HERC2: variants seen among roughly 807,000 people sequenced by gnomAD.
HERC2 encodes the protein HECT and RLD domain containing E3 ubiquitin protein ligase 2.
HERC2 carries 102 observed loss-of-function variants against 537.7 expected under a neutral mutation model. The ratio of observed to expected loss-of-function variants is 0.19; its 90% confidence interval spans 0.16 to 0.22. HERC2 has a LOEUF of 0.22. HERC2 is among the 10% of genes least tolerant of loss of function. The pLI, the probability that HERC2 is intolerant of heterozygous loss-of-function variation, is 1.00. For missense variants in HERC2, 4,236 were observed against 6,198.2 expected (o/e 0.68, Z 10.63); for synonymous variants, 2,224 against 2,466.2 (o/e 0.90, Z 2.91).
chr15:28,128,886 C>T (rs979104194), intron 83 of HERC2, among the ~76,000 whole-genome samples: 1 of 152,178 alleles, frequency 6.6e-6, no homozygotes, highest in Non-Finnish European at 1.5e-5. Flanking sequence ...CCAGGGGCCA[C>T]CCCATTCCCC....
intron 84 of HERC2, 88 bp downstream of exon 84, chr15:28,124,918 G>A: frequency 2.4e-6 from 3 of 1,262,122 alleles, no homozygotes; most frequent in Non-Finnish European, 3.3e-6. Flanking sequence ...TCACCAAGAA[G>A]CCTCTGTAAA....
intron 3 of HERC2, among the ~76,000 whole-genome samples, chr15:28,299,115 T>C (rs2076551355): frequency 1.3e-5 from 2 of 152,068 alleles, no homozygotes; most frequent in Admixed American, 6.6e-5. Context: ...TCAATGGCAT[T>C]TCCTTGCAGG....
chr15:28,158,153 C>A (rs1338238636), intron 69 of HERC2, among the ~76,000 whole-genome samples: 2 of 152,116 alleles, frequency 1.3e-5, no homozygotes, highest in African/African-American at 4.8e-5. Flanking sequence ...GCTTTACTTC[C>A]AACTATGTGG....
intron 9 of HERC2, among the ~76,000 whole-genome samples, chr15:28,271,753 C>A (rs1196146714): frequency 6.6e-6 from 1 of 152,144 alleles, no homozygotes; most frequent in African/African-American, 2.4e-5. Flanking sequence ...AAAAGACTGG[C>A]AAAATCCAAC....
At chr15:28,119,154 G>T (rs1380077732) in intron 86 of HERC2, among the ~76,000 whole-genome samples, 2 of 152,074 alleles carry the variant, frequency 1.3e-5, no homozygotes, top group African/African-American at 4.8e-5. Context: ...ACAGCACTTT[G>T]GGAGGCCGAG....
At chr15:28,257,382 GC>G in intron 16 of HERC2, 121 bp from the exon 17 acceptor site, 2 of 778,480 alleles carry the variant, frequency 2.6e-6, no homozygotes, top group Non-Finnish European at 4.2e-6. Flanking sequence ...CCCTCGAACT[GC>G]CCAGTCCAAA....
At chr15:28,292,731 G>A (rs1014542830) in intron 4 of HERC2, among the ~76,000 whole-genome samples, 157 bp downstream of exon 4, 23 of 151,942 alleles carry the variant, frequency 1.5e-4, no homozygotes, top group Admixed American at 9.2e-4. Flanking sequence ...TGGTTAAAAC[G>A]GTAAGTTTTA....
chr15:28,144,281 A>G (rs1790215263), intron 72 of HERC2, 46 bp from the exon 73 acceptor site: 2 of 1,596,538 alleles, frequency 1.3e-6, no homozygotes, highest in Non-Finnish European at 8.5e-7. Flanking sequence ...CAAGCTAGGT[A>G]CCACCCCATA....
In HERC2 at chr15:28,269,254, G is replaced by C. The variant is rs538779282; in HGVS notation, c.1440C>G (p.Asp480Glu). 6.2e-6 allele frequency: 10 copies of C among 1,613,060 alleles called. No homozygotes were observed. The African/African-American group carries it at 1.2e-4, about 19-fold the overall frequency. ...CAGTGCCCAGAACACTCACCAGCGT[G>C]TCACTATTATAGGCCTGTGTGTACA... ...GRVYTQAYNS[D>E]TLAPQLVQGL... is the part of the protein sequence containing the mutation. Residue 480 changes from aspartate (D) to glutamate (E), a missense_variant, in exon 11 of 93, where the codon GAC (aspartate) becomes GAG (glutamate). Asp to Glu is a conservative substitution (Grantham distance 45). This residue lies in a region of HERC2 where 491 missense variants were observed against 559.3 expected (regional missense o/e 0.88). Coordinates refer to ENST00000261609, the MANE Select transcript of HERC2 (RefSeq NM_004667.6).
chr15:28,257,142 C>T lies in HERC2; in HGVS notation c.2436G>A (p.Gly812=). 6.2e-7 allele frequency: 1 copy of T among 1,613,844 alleles called. No homozygotes were observed. The highest frequency in any genetic ancestry group is 8.5e-7 in the Non-Finnish European group (1 of 1,179,756). ...GGGGCCAGTCCGCGGAACCATCCAT[C>T]CCCTCACTCACCTGCCGAAGCAGGA... ...LDLLLRQVSE[G]MDGSADWPPP... Residue 812 remains glycine (G), a synonymous_variant, in exon 17 of 93, where the codon GGG becomes GGA. Coordinates refer to ENST00000261609, the MANE Select transcript of HERC2 (RefSeq NM_004667.6).
At chr15:28,224,119 T>A (rs1900822662) in intron 35 of HERC2, among the ~76,000 whole-genome samples, 2 of 124,140 alleles carry the variant, frequency 1.6e-5, no homozygotes, top group South Asian at 2.5e-4. Flanking sequence ...TATAAATATA[T>A]AAATTAAAAA....
chr15:28,207,877 G>T (rs1898655992), intron 44 of HERC2, among the ~76,000 whole-genome samples: 1 of 151,850 alleles, frequency 6.6e-6, no homozygotes, highest in African/African-American at 2.4e-5. Context: ...AGCATCCAGA[G>T]ACGATGTGTA....
At chr15:28,250,402 A>G (rs1005619198) in intron 20 of HERC2, among the ~76,000 whole-genome samples, 49 of 152,294 alleles carry the variant, frequency 3.2e-4, no homozygotes, top group Middle Eastern at 3.4e-3. Flanking sequence ...CTAGAATCTA[A>G]CATGTATGCT....
chr15:28,245,670 CACAT>C (rs992522095), intron 23 of HERC2, among the ~76,000 whole-genome samples: 2 of 151,424 alleles, frequency 1.3e-5, no homozygotes, highest in African/African-American at 4.9e-5. Context: ...TACACACACA[CACAT>C]ACATAAACAC....
Position 28,213,729 on chromosome 15 carries a change from C to T in HERC2, c.6786+13G>A. 6.2e-7 allele frequency: 1 copy of T among 1,610,812 alleles called. No individual in the cohort carries two copies. Among genetic ancestry groups the T allele is most frequent in the South Asian group, 1.1e-5 (1 of 90,990 alleles). Reference sequence around the variant, plus strand: ...TCCCTTATCATGCAGTAACTAAGCACAAGTTCACCTACTGGTTTCAGCTGA... The same window carrying T: ...TCCCTTATCATGCAGTAACTAAGCATAAGTTCACCTACTGGTTTCAGCTGA... On this transcript the variant is annotated intron_variant, in intron 42 of 92. Transcript: ENST00000261609.
At chr15:28,114,112 G>C (rs12593929) in intron 90 of HERC2, among the ~76,000 whole-genome samples, 1 of 152,092 alleles carries the variant, frequency 6.6e-6, no homozygotes, top group South Asian at 2.1e-4. Flanking sequence ...CTGCCACACG[G>C]GGCCTCACCC....
In HERC2 at chr15:28,218,616, A is replaced by G. The variant is rs758650846; in HGVS notation, c.5901T>C (p.Thr1967=). Residue 1967 remains threonine (T), a synonymous_variant, in exon 38 of 93, where the codon ACT becomes ACC. Transcript: ENST00000261609. The part of the protein sequence containing the change: ...IHPTAMMFTS[T]INLLQTLCLS... ...GACAAAGAGTCTGCAGTAAGTTAAT[A>G]GTGCTGGTAAACATCATTGCAGTGG... 8.8e-6 allele frequency: 14 copies of G among 1,592,150 alleles called. No homozygotes were observed. In the South Asian group the frequency reaches 1.5e-4, roughly 18 times the overall value.
intron 52 of HERC2, among the ~76,000 whole-genome samples, chr15:28,194,563 C>T (rs1217859416): frequency 6.6e-6 from 1 of 151,524 alleles, no homozygotes. Context: ...CAGAGCGAGA[C>T]TCCGTCTCAA....
intron 4 of HERC2, among the ~76,000 whole-genome samples, chr15:28,292,412 A>G (rs1162943460): frequency 6.6e-6 from 1 of 152,224 alleles, no homozygotes; most frequent in Non-Finnish European, 1.5e-5. Flanking sequence ...CTATCATCAG[A>G]AAACAAAAAG....
Sources: gnomAD v4.1 joint callset for allele counts (sites outside exome capture counted in the v4.1 genomes callset) on GRCh38, gnomAD v4.1.1 for gene constraint, gnomAD v4.1.1 regional missense constraint, MANE v1.5 for transcripts, NCBI Gene and HGNC (gene_info 2026-07-23, HGNC 2026-07-21) for gene names.